Variants in COL11A1 observed in about 807,000 individuals in gnomAD.
The protein encoded by COL11A1 is collagen type XI alpha 1 chain, also known as collagen alpha-1(XI) chain.
COL11A1 carries 74 observed loss-of-function variants against 265.2 expected under a neutral mutation model. The observed-to-expected ratio is 0.28, with a 90% confidence interval of 0.23 to 0.34. The LOEUF is 0.34. Ranked by LOEUF, COL11A1 falls within the 10% of genes least tolerant of loss-of-function variation. The pLI is 1.00. For synonymous variants in COL11A1, 816 were observed against 727.6 expected, an observed-to-expected ratio of 1.12 and a Z score of -1.96; for missense variants, 2,165 against 2,263.6, an observed-to-expected ratio of 0.96 and a Z score of 0.88.
intron 41 of COL11A1, among the ~76,000 whole-genome samples, chr1:102,949,996 A>T (rs1045470881): frequency 1.3e-5 from 2 of 152,176 alleles, no homozygotes; most frequent in Admixed American, 1.3e-4. Context: ...TACACAATTC[A>T]TTAGAATCTC....
intron 30 of COL11A1, 131 bp from the exon 31 acceptor site, chr1:102,984,322 A>G (rs1404397082): frequency 5.0e-6 from 3 of 604,410 alleles, no homozygotes; most frequent in African/African-American, 3.7e-5. Context: ...GATTTTTGTC[A>G]TTATTTACCT....
intron 14 of COL11A1, among the ~76,000 whole-genome samples, chr1:103,010,014 C>G (rs1665965836): frequency 6.6e-6 from 1 of 152,084 alleles, no homozygotes; most frequent in African/African-American, 2.4e-5. Context: ...TAAGCACTAC[C>G]TACTCAACAG....
intron 38 of COL11A1, among the ~76,000 whole-genome samples, chr1:102,965,081 T>C (rs1024320186): frequency 6.6e-6 from 1 of 152,168 alleles, no homozygotes; most frequent in African/African-American, 2.4e-5. Flanking sequence ...TTTTAGAATG[T>C]ATATTTCTAA....
intron 64 of COL11A1, among the ~76,000 whole-genome samples, 157 bp from the exon 65 acceptor site, chr1:102,881,922 C>A (rs1389452838): frequency 1.5e-4 from 23 of 151,916 alleles, no homozygotes; most frequent in Admixed American, 1.5e-3. Flanking sequence ...CAAAATGAGA[C>A]AAAGAGAAAA....
intron 14 of COL11A1, among the ~76,000 whole-genome samples, chr1:103,010,577 C>A (rs1392609527): frequency 2.0e-5 from 3 of 152,086 alleles, no homozygotes; most frequent in Admixed American, 2.0e-4. Context: ...ATATAATGTG[C>A]CTCCCTTGTT....
rs561728478 is a variant in COL11A1, at chr1:102,987,663, G to A, written c.2472C>T (p.Asp824=). 14 of 1,613,462 alleles carry A rather than the reference G, an allele frequency of 8.7e-6. No homozygotes were observed. The South Asian group carries it at 1.2e-4, about 14-fold the overall frequency. Reference sequence around the variant, plus strand: ...CTCCTGCTTGACCTGAAGGACCTGGGTCTCCAGTTGGGCCTGCTCGACCTT... The same window carrying A: ...CTCCTGCTTGACCTGAAGGACCTGGATCTCCAGTTGGGCCTGCTCGACCTT... ...GPKGRAGPTG[D]PGPSGQAGEK... The change falls in exon 30 of 67, where the codon GAC becomes GAT. Residue 824 remains aspartate, a synonymous_variant. Coordinates refer to ENST00000370096, the MANE Select transcript of COL11A1 (RefSeq NM_001854.4).
chr1:102,886,413 C>T (rs1650986245), intron 63 of COL11A1, among the ~76,000 whole-genome samples: 1 of 152,080 alleles, frequency 6.6e-6, no homozygotes, highest in African/African-American at 2.4e-5. Flanking sequence ...TACACATATC[C>T]ATATATTCAT....
intron 54 of COL11A1, among the ~76,000 whole-genome samples, chr1:102,905,226 G>T: frequency 9.1e-6 from 1 of 109,806 alleles, no homozygotes; most frequent in East Asian, 3.3e-4. Context: ...ACTGTTGTGG[G>T]GTGGGGGGAG....
chr1:103,080,359 G>A (rs113254186), intron 2 of COL11A1, among the ~76,000 whole-genome samples: 3,655 of 151,614 alleles, frequency 0.024, 56 homozygotes, highest in Middle Eastern at 0.048. Context: ...CAAAGCAAAA[G>A]AAAAAATTAA....
At chr1:103,057,600 A>T (rs1438333032) in intron 4 of COL11A1, among the ~76,000 whole-genome samples, 1 of 152,212 alleles carries the variant, frequency 6.6e-6, no homozygotes, top group African/African-American at 2.4e-5. Context: ...AAGGCTTGAA[A>T]GTTGAAATTA....
At position 103,021,719 on chromosome 1, in the gene COL11A1, T is replaced by C. The variant is rs768321160; in HGVS notation, c.1296A>G (p.Ala432=). ...YGEKGQKGEP[A]VVEPGMLVEG... is the part of the protein sequence containing the mutation. ...CACTACTACTTACAGGCTCAACCAC[T>C]GCTGGTTCTCCTTTCTGTCCTTTCT... Residue 432 remains alanine (A), a synonymous_variant, in exon 9 of 67, where the codon GCA becomes GCG. Transcript: ENST00000370096. The C allele has an allele frequency of 7.9e-5, 127 of 1,612,240 alleles. No individual in the cohort carries two copies. Among genetic ancestry groups the C allele is most frequent in the Admixed American group, 7.8e-4 (47 of 59,994 alleles).
At chr1:102,933,227 C>G (rs1657708458) in intron 46 of COL11A1, among the ~76,000 whole-genome samples, 1 of 137,728 alleles carries the variant, frequency 7.3e-6, no homozygotes, top group Non-Finnish European at 1.6e-5. Context: ...GTGGTTTTAT[C>G]TACTTTTGGT....
At chr1:102,939,204 C>T in intron 43 of COL11A1, 116 bp from the exon 44 acceptor site, 1 of 940,440 alleles carries the variant, frequency 1.1e-6, no homozygotes, top group Non-Finnish European at 1.7e-6. Flanking sequence ...TGTGTAATGT[C>T]ACTGTTTAAA....
chr1:103,003,280 A>C lies in COL11A1; in HGVS notation c.1945-12T>G. 1 of 1,612,218 alleles carries C rather than the reference A, an allele frequency of 6.2e-7. No homozygotes were observed. Among genetic ancestry groups the C allele is most frequent in the Non-Finnish European group, 8.5e-7 (1 of 1,179,204 alleles). ...AAACCTCGTGGGCCCTAGGAGAAAA[A>C]GAAAAAGCACGCCTTTATTAAAAAA... On this transcript the variant is annotated splice_polypyrimidine_tract_variant and intron_variant, in intron 20 of 66. Coordinates refer to ENST00000370096, the MANE Select transcript of COL11A1 (RefSeq NM_001854.4).
chr1:102,974,149 C>T (rs1276623749), intron 36 of COL11A1, among the ~76,000 whole-genome samples: 1 of 149,640 alleles, frequency 6.7e-6, no homozygotes, highest in Non-Finnish European at 1.5e-5. Flanking sequence ...AAGCTGACTC[C>T]CACTCTCTTA....
chr1:102,887,878 C>T (rs1180269029), intron 62 of COL11A1, among the ~76,000 whole-genome samples: 1 of 152,070 alleles, frequency 6.6e-6, no homozygotes, highest in Non-Finnish European at 1.5e-5. Flanking sequence ...CACCACAAGC[C>T]AAGAAGAGAA....
At chr1:103,001,814 GC>G in intron 24 of COL11A1, 110 bp downstream of exon 24, 3 of 903,618 alleles carry the variant, frequency 3.3e-6, no homozygotes, top group Non-Finnish European at 5.6e-6. Flanking sequence ...TTCCTTATGT[GC>G]TGAGCTATCT....
chr1:103,036,987 T>C (rs1205356568), intron 4 of COL11A1, among the ~76,000 whole-genome samples: 4 of 152,006 alleles, frequency 2.6e-5, no homozygotes, highest in Admixed American at 2.0e-4. Flanking sequence ...GATGATGTTC[T>C]TGTGAATGTC....
intron 14 of COL11A1, among the ~76,000 whole-genome samples, chr1:103,010,922 A>G (rs1004291721): frequency 2.6e-5 from 4 of 152,034 alleles, no homozygotes; most frequent in Admixed American, 6.6e-5. Flanking sequence ...CTGGTCTCGA[A>G]CTCCCAACCT....
Sources: gnomAD v4.1 joint callset for allele counts (sites outside exome capture counted in the v4.1 genomes callset) on GRCh38, gnomAD v4.1.1 for gene constraint, MANE v1.5 for transcripts, NCBI Gene and HGNC (gene_info 2026-07-23, HGNC 2026-07-21) for gene names.